The following RALB variants were observed in gnomAD, a reference collection of about 807,000 sequenced individuals.
RALB encodes RAS like proto-oncogene B, also known as ras-related protein Ral-B.
A neutral mutation model predicts 21.3 loss-of-function variants in RALB; 16 were observed. That is an observed-to-expected ratio of 0.75 (90% CI 0.51 to 1.14). RALB has a LOEUF of 1.14. RALB is among the 50% of genes most tolerant of loss of function. The pLI, the probability that RALB is intolerant of heterozygous loss-of-function variation, is 0.00. For synonymous variants in RALB, 93 were observed against 96.1 expected, an observed-to-expected ratio of 0.97 and a Z score of 0.19; for missense variants, 161 against 256.2, an observed-to-expected ratio of 0.63 and a Z score of 2.54.
At chr2:120,250,717 C>T (rs1304181833), upstream of RALB, among the ~76,000 whole-genome samples, 1 of 152,194 alleles carries the variant, frequency 6.6e-6, no homozygotes, top group Non-Finnish European at 1.5e-5. Context: ...GGTAGGGAAA[C>T]TCAGCAGACA....
intron 2 of RALB, among the ~76,000 whole-genome samples, chr2:120,284,085 AT>A (rs1214229046): frequency 6.6e-6 from 1 of 152,106 alleles, no homozygotes; most frequent in African/African-American, 2.4e-5. Context: ...CGTGTGTTGG[AT>A]TTTTTTGGCG....
intron 1 of RALB, among the ~76,000 whole-genome samples, chr2:120,255,593 G>A (rs4849845): frequency 0.7 from 106,551 of 152,076 alleles, 37,997 homozygotes; most frequent in Middle Eastern, 0.8. Context: ...CAAGAGGGTT[G>A]ATGAGTCTTG....
chr2:120,255,171 C>T (rs934363033), intron 1 of RALB, among the ~76,000 whole-genome samples: 2 of 152,180 alleles, frequency 1.3e-5, no homozygotes, highest in Non-Finnish European at 2.9e-5. Flanking sequence ...TCCAGTGTAA[C>T]TTGTCTCCAG....
intron 2 of RALB, among the ~76,000 whole-genome samples, chr2:120,282,490 G>C (rs1690013196): frequency 7.1e-6 from 1 of 140,344 alleles, no homozygotes; most frequent in African/African-American, 2.7e-5. Context: ...AAAAAAAAAA[G>C]ATAACAGAGC....
At chr2:120,291,208 CAT>C (rs1690295854) in intron 4 of RALB, among the ~76,000 whole-genome samples, 2 of 152,132 alleles carry the variant, frequency 1.3e-5, no homozygotes, top group South Asian at 4.1e-4. Context: ...TCTTAGGAGA[CAT>C]ATACATATAG....
chr2:120,261,368 G>C (rs936656159), intron 1 of RALB, among the ~76,000 whole-genome samples: 1 of 152,130 alleles, frequency 6.6e-6, no homozygotes, highest in African/African-American at 2.4e-5. Context: ...CATGAGGCTG[G>C]AGACAAGGAG....
At chr2:120,271,812 T>G (rs1172311258) in intron 1 of RALB, among the ~76,000 whole-genome samples, 1 of 152,230 alleles carries the variant, frequency 6.6e-6, no homozygotes, top group Non-Finnish European at 1.5e-5. Context: ...CATCTTTATC[T>G]TTGCATGTGA....
At chr2:120,279,510 A>G (rs1689931080) in intron 2 of RALB, among the ~76,000 whole-genome samples, 1 of 152,190 alleles carries the variant, frequency 6.6e-6, no homozygotes, top group Non-Finnish European at 1.5e-5. Flanking sequence ...CAATGTAACA[A>G]CTGTTTGCGT....
intron 3 of RALB, 100 bp from the exon 4 acceptor site, chr2:120,289,479 TC>T: frequency 1.6e-6 from 2 of 1,234,776 alleles, no homozygotes; most frequent in Non-Finnish European, 2.3e-6. Context: ...TTTTTTTTTT[TC>T]CTTCTGCCTT....
chr2:120,294,205 G>C lies in RALB; in HGVS notation c.*945G>C, dbSNP rs910522010. ...TGTCACACACACTCTTCCCAAAGACGTGATGAGTTAAAGTTGTATTCTGAA... is the reference window on the plus strand; with the variant it reads ...TGTCACACACACTCTTCCCAAAGACCTGATGAGTTAAAGTTGTATTCTGAA... On this transcript the variant is annotated 3_prime_UTR_variant, in exon 5 of 5. Transcript: ENST00000272519. 1 of 398,482 alleles carries C rather than the reference G, an allele frequency of 2.5e-6. No individual in the cohort carries two copies. The highest frequency in any genetic ancestry group is 4.4e-5 in the Admixed American group (1 of 22,716). The allele number at this position is 398,482 out of a possible 1,614,324, so 24.7% of individuals were successfully genotyped here.
At chr2:120,272,262 A>G (rs13426110) in intron 1 of RALB, among the ~76,000 whole-genome samples, 6,875 of 152,230 alleles carry the variant, frequency 0.045, 550 homozygotes, top group African/African-American at 0.16. Context: ...CCCTACCCTT[A>G]TGATCTTATG....
intron 1 of RALB, among the ~76,000 whole-genome samples, chr2:120,270,177 A>C (rs1304068065): frequency 6.6e-6 from 1 of 151,498 alleles, no homozygotes; most frequent in African/African-American, 2.5e-5. Flanking sequence ...TTTGTCTTTC[A>C]GTTCTTCTTA....
At chr2:120,252,624 C>A, upstream of RALB, 2 of 216,960 alleles carry the variant, frequency 9.2e-6, no homozygotes, top group African/African-American at 2.3e-5. Flanking sequence ...GAGAGAGAAA[C>A]AGAGGGGGAC....
At chr2:120,274,284 A>G (rs1473637213) in intron 1 of RALB, among the ~76,000 whole-genome samples, 1 of 151,748 alleles carries the variant, frequency 6.6e-6, no homozygotes, top group African/African-American at 2.4e-5. Context: ...CATTTATTCT[A>G]TTTTAGCCAC....
intron 4 of RALB, among the ~76,000 whole-genome samples, chr2:120,290,668 C>A (rs1338144197): frequency 6.7e-6 from 1 of 150,358 alleles, no homozygotes; most frequent in Non-Finnish European, 1.5e-5. Flanking sequence ...TCCCAGCATA[C>A]TTTCTCATTC....
intron 3 of RALB, 146 bp downstream of exon 3, chr2:120,286,228 G>T (rs1690130854): frequency 1.5e-6 from 1 of 658,094 alleles, no homozygotes; most frequent in East Asian, 2.7e-5. Flanking sequence ...AGAATCTTCT[G>T]GGGCTTTCTG....
rs746983312 is a variant in RALB at position 120,289,717 on chromosome 2, A to T, written c.461A>T (p.Tyr154Phe). Reference protein sequence around the residue: ...RSKAEEWGVQYVETSAKTRAN... With the variant: ...RSKAEEWGVQFVETSAKTRAN... ...AAAGCCGAAGAGTGGGGCGTGCAGT[A>T]CGTGGAGACGTCAGCGAAGACCCGG... The change falls in exon 4 of 5, where the codon TAC becomes TTC. Residue 154 changes from tyrosine to phenylalanine, a missense_variant. Physicochemically the swap from Tyr to Phe is conservative, Grantham distance 22 (BLOSUM62 3). Transcript: ENST00000272519. The T allele has an allele frequency of 6.2e-7, 1 of 1,613,084 alleles. No individual in the cohort carries two copies. Among genetic ancestry groups the T allele is most frequent in the South Asian group, 1.1e-5 (1 of 90,864 alleles).
intron 2 of RALB, among the ~76,000 whole-genome samples, chr2:120,284,120 G>A (rs916071249): frequency 3.3e-4 from 51 of 152,292 alleles, no homozygotes; most frequent in African/African-American, 1.2e-3. Flanking sequence ...TTGGAAAGGA[G>A]TTAAAAGAAG....
Position 120,286,040 on chromosome 2 carries a change from C to T in RALB, c.281C>T (p.Ser94Leu). The T allele has an allele frequency of 1.2e-6, 2 of 1,613,988 alleles. No individual in the cohort carries two copies. Among genetic ancestry groups the T allele is most frequent in the Non-Finnish European group, 1.7e-6 (2 of 1,179,994 alleles). ...GGGGAAGGGTTTCTTCTTGTGTTCTCAATCACAGAACATGAATCCTTTACA... is the reference window on the plus strand; with the variant it reads ...GGGGAAGGGTTTCTTCTTGTGTTCTTAATCACAGAACATGAATCCTTTACA... ...RSGEGFLLVFSITEHESFTAT... is the reference protein window; with the variant it reads ...RSGEGFLLVFLITEHESFTAT... The change falls in exon 3 of 5, where the codon TCA (serine) becomes TTA (leucine). Residue 94 changes from serine (S) to leucine (L), a missense_variant. By Grantham distance (145) the Ser-to-Leu change is moderately radical. Coordinates refer to ENST00000272519, the MANE Select transcript of RALB (RefSeq NM_002881.3).
Sources: allele counts gnomAD v4.1 joint callset (sites outside exome capture counted in the v4.1 genomes callset), GRCh38; gene constraint gnomAD v4.1.1; transcripts MANE v1.5; gene names NCBI Gene and HGNC (gene_info 2026-07-23, HGNC 2026-07-21).